PHACTR1: variants seen among roughly 807,000 people sequenced by gnomAD.
PHACTR1 encodes RPEL repeat containing 1.
PHACTR1 carries 16 observed loss-of-function variants against 69.2 expected under a neutral mutation model. The observed-to-expected ratio is 0.23, with a 90% CI of 0.16 to 0.35. The LOEUF is 0.35. Ranked by LOEUF, PHACTR1 falls within the 10% of genes least tolerant of loss-of-function variation. PHACTR1 has a pLI of 1.00. For synonymous variants in PHACTR1, 312 were observed against 284.5 expected, an observed-to-expected ratio of 1.10 and a Z score of -0.97; for missense variants, 510 against 734.7, an observed-to-expected ratio of 0.69 and a Z score of 3.54.
chr6:12,975,337 C>T (rs1249301274), intron 4 of PHACTR1, among the ~76,000 whole-genome samples: 3 of 152,140 alleles, frequency 2.0e-5, no homozygotes, highest in African/African-American at 7.2e-5. Flanking sequence ...TCACTAAGAT[C>T]CTGACCAGAG....
At chr6:13,191,102 C>T (rs1763522446) in intron 7 of PHACTR1, among the ~76,000 whole-genome samples, 1 of 152,156 alleles carries the variant, frequency 6.6e-6, no homozygotes, top group Admixed American at 6.6e-5. Context: ...CATTCCCAAC[C>T]CTCCATGTCC....
chr6:13,092,088 G>T (rs754126842), intron 5 of PHACTR1, among the ~76,000 whole-genome samples: 2 of 152,112 alleles, frequency 1.3e-5, no homozygotes, highest in East Asian at 1.9e-4. Context: ...ATGAGCCACC[G>T]CACCCAGCTG....
Position 12,734,761 on chromosome 6 carries a change from T to A in PHACTR1, c.104-14883T>A, listed in dbSNP as rs577327175. Among the ~76,000 whole-genome samples, 5 of 152,272 alleles carry A rather than the reference T, an allele frequency of 3.3e-5. No homozygotes were observed. The East Asian group carries it at 9.6e-4, about 29-fold the overall frequency. The stretch of plus-strand genomic sequence containing the variant: ...ACAGAGGATGGGCGGAGTTTAGATA[T>A]GTTAAGATGGGGAGAAGGAAAAGAA... On this transcript the variant is annotated intron_variant, in intron 3 of 14. Transcript: ENST00000332995.
chr6:13,208,335 C>T (rs1334935624), intron 8 of PHACTR1, among the ~76,000 whole-genome samples: 1 of 152,210 alleles, frequency 6.6e-6, no homozygotes, highest in Admixed American at 6.5e-5. Flanking sequence ...GATACTCTTA[C>T]AGCAATATGA....
At chr6:12,745,085 G>C (rs1423580435) in intron 3 of PHACTR1, among the ~76,000 whole-genome samples, 2 of 152,144 alleles carry the variant, frequency 1.3e-5, no homozygotes, top group Non-Finnish European at 2.9e-5. Context: ...TCTGATGTAG[G>C]AGTGTCCTAG....
chr6:12,809,241 G>A (rs550541275), intron 4 of PHACTR1, among the ~76,000 whole-genome samples: 2 of 152,206 alleles, frequency 1.3e-5, no homozygotes, highest in South Asian at 4.1e-4. Context: ...TACAGTAAAA[G>A]TTATTGCTTT....
At chr6:12,870,121 G>GAA (rs34371420) in intron 4 of PHACTR1, among the ~76,000 whole-genome samples, 3 of 137,664 alleles carry the variant, frequency 2.2e-5, no homozygotes, top group African/African-American at 2.6e-5. Flanking sequence ...TAAGGACATG[G>GAA]AAAAAAAAAA....
chr6:13,143,752 A>G (rs1822864360), intron 5 of PHACTR1, among the ~76,000 whole-genome samples: 6 of 152,140 alleles, frequency 3.9e-5, no homozygotes, highest in Admixed American at 3.9e-4. Context: ...TAATGATACC[A>G]TAAGACAGAA....
chr6:12,870,046 C>CA (rs1781868191), intron 4 of PHACTR1, among the ~76,000 whole-genome samples: 1 of 151,432 alleles, frequency 6.6e-6, no homozygotes, highest in Admixed American at 6.6e-5. Context: ...AGCCCTCATA[C>CA]ATTTTATTGG....
At chr6:13,075,215 A>G (rs947577114) in intron 5 of PHACTR1, among the ~76,000 whole-genome samples, 1 of 152,204 alleles carries the variant, frequency 6.6e-6, no homozygotes, top group African/African-American at 2.4e-5. Context: ...AACTCCTATT[A>G]TCACAAACCC....
chr6:13,227,200 G>A (rs1034001865), intron 8 of PHACTR1, among the ~76,000 whole-genome samples: 2 of 152,092 alleles, frequency 1.3e-5, no homozygotes, highest in Non-Finnish European at 2.9e-5. Context: ...CTAGGTCATC[G>A]CTAACAATGT....
rs1430140385 is a variant in PHACTR1 at position 13,278,323 on chromosome 6, C to T, written c.1503C>T (p.Thr501=). The change falls in exon 12 of 15, where the codon ACC becomes ACT. Residue 501 remains threonine (T), a synonymous_variant. Transcript: ENST00000332995. Reference sequence around the variant, plus strand: ...AGAGAGAGATCAAGAGGAGGCTAACCCGAAAGGTAGGTGGTTCTCCATGCC... The same window carrying T: ...AGAGAGAGATCAAGAGGAGGCTAACTCGAAAGGTAGGTGGTTCTCCATGCC... ...EEKREIKRRL[T]RKLSQRPTVE... The T allele has an allele frequency of 2.5e-6, 4 of 1,597,960 alleles. No individual in the cohort carries two copies. Among genetic ancestry groups the T allele is most frequent in the African/African-American group, 1.3e-5 (1 of 74,576 alleles).
At chr6:12,919,650 A>G (rs928014598) in intron 4 of PHACTR1, among the ~76,000 whole-genome samples, 1 of 152,206 alleles carries the variant, frequency 6.6e-6, no homozygotes, top group African/African-American at 2.4e-5. Context: ...GCTTCCCATG[A>G]CTTTGGGCTC....
chr6:13,032,136 A>G (rs1285918778), intron 4 of PHACTR1, among the ~76,000 whole-genome samples: 1 of 152,252 alleles, frequency 6.6e-6, no homozygotes, highest in Non-Finnish European at 1.5e-5. Context: ...TATTTCAGAT[A>G]TTATATAGCC....
At chr6:12,798,804 T>C (rs1773379901) in intron 4 of PHACTR1, among the ~76,000 whole-genome samples, 1 of 152,204 alleles carries the variant, frequency 6.6e-6, no homozygotes, top group Non-Finnish European at 1.5e-5. Flanking sequence ...TACCATGACA[T>C]AGTGTTTAGA....
chr6:13,208,616 A>G (rs1766282458), intron 8 of PHACTR1, among the ~76,000 whole-genome samples: 1 of 150,802 alleles, frequency 6.6e-6, no homozygotes, highest in Non-Finnish European at 1.5e-5. Flanking sequence ...GTAGCAGCCA[A>G]CGTCATTGCT....
intron 8 of PHACTR1, among the ~76,000 whole-genome samples, chr6:13,209,078 A>G (rs1051263573): frequency 1.3e-5 from 2 of 152,210 alleles, no homozygotes; most frequent in Non-Finnish European, 2.9e-5. Flanking sequence ...GCCACCCCAG[A>G]GAAAGAGAGG....
intron 10 of PHACTR1, among the ~76,000 whole-genome samples, chr6:13,256,068 T>C (rs575444186): frequency 6.6e-6 from 1 of 152,348 alleles, no homozygotes; most frequent in African/African-American, 2.4e-5. Context: ...TTTCCATACA[T>C]ACTCTAAAGT....
At chr6:13,265,582 T>G (rs1251504590) in intron 10 of PHACTR1, among the ~76,000 whole-genome samples, 1 of 152,228 alleles carries the variant, frequency 6.6e-6, no homozygotes. Context: ...GCTGAGGTGT[T>G]GAAGGCCAGC....
Sources: allele counts gnomAD v4.1 joint callset (sites outside exome capture counted in the v4.1 genomes callset), GRCh38; gene constraint gnomAD v4.1.1; transcripts MANE v1.5; gene names NCBI Gene and HGNC (gene_info 2026-07-23, HGNC 2026-07-21).